RBBP8NL: variants seen among roughly 807,000 people sequenced by gnomAD.
RBBP8NL encodes the protein RBBP8 N-terminal like, also known as RBBP8 N-terminal-like protein.
In RBBP8NL, 59 loss-of-function variants were observed where a neutral mutation model predicts 62.2. That is an observed-to-expected ratio of 0.95 (90% CI 0.77 to 1.18). RBBP8NL has a LOEUF of 1.18. RBBP8NL is among the 50% of genes most tolerant of loss of function. The pLI, the probability that RBBP8NL is intolerant of heterozygous loss-of-function variation, is 0.00. For synonymous variants in RBBP8NL, 412 were observed against 394.1 expected, an observed-to-expected ratio of 1.05 and a Z score of -0.54; for missense variants, 896 against 899.5, an observed-to-expected ratio of 1.00 and a Z score of 0.05.
At chr20:62,417,646 G>A (rs1443563892) in intron 3 of RBBP8NL, among the ~76,000 whole-genome samples, 4 of 100,844 alleles carry the variant, frequency 4.0e-5, no homozygotes, top group Non-Finnish European at 7.5e-5. Flanking sequence ...CCTCTGTGAC[G>A]TCTGTCCCGT....
intron 9 of RBBP8NL, among the ~76,000 whole-genome samples, chr20:62,414,902 G>A (rs1474687798): frequency 1.3e-5 from 2 of 152,214 alleles, no homozygotes; most frequent in East Asian, 3.8e-4. Context: ...CACCCTACTT[G>A]TTCTCAGACA....
At chr20:62,417,094 A>G (rs1286549499) in intron 4 of RBBP8NL, 130 bp downstream of exon 4, 3 of 744,510 alleles carry the variant, frequency 4.0e-6, no homozygotes, top group Non-Finnish European at 4.4e-6. Flanking sequence ...GATGTCCTGC[A>G]GTGGGGAAAC....
chr20:62,412,655 C>T lies in RBBP8NL; in HGVS notation c.1845G>A (p.Lys615=), dbSNP rs111674643. ...CCCCAGGCTCCGAGGCCCGCTTCCT[C>T]TTCCGTGGTGGACCCTGCCCGTGCT... is the stretch of plus-strand genomic sequence containing the variant. The part of the protein sequence containing the change: ...TQEHGQGPPR[K]RKRASEPGDK... The change falls in exon 13 of 14, where the codon AAG becomes AAA. Residue 615 remains lysine (K), a synonymous_variant. Transcript: ENST00000252998. 6.2e-7 allele frequency: 1 copy of T among 1,607,408 alleles called. No homozygotes were observed. The highest frequency in any genetic ancestry group is 8.5e-7 in the Non-Finnish European group (1 of 1,179,934).
intron 6 of RBBP8NL, 77 bp downstream of exon 6, chr20:62,416,087 C>G: frequency 6.6e-7 from 1 of 1,510,270 alleles, no homozygotes; most frequent in Middle Eastern, 1.8e-4. Context: ...GCGGTTCCCC[C>G]AGGGACGTGT....
chr20:62,415,753 C>T (rs1002515184), intron 7 of RBBP8NL, 35 bp downstream of exon 7: 2 of 1,609,462 alleles, frequency 1.2e-6, no homozygotes. Context: ...CCTGCGGGGG[C>T]CCAGCCTCCC....
chr20:62,414,085 C>T lies in RBBP8NL; in HGVS notation c.1266G>A (p.Pro422=), dbSNP rs760516440. ...CAGCCTCTGTCCTCTGGGCGCGGCCCGGGCCTGCAGGCTGTGTGTGCCGCC... is the reference window on the plus strand; with the variant it reads ...CAGCCTCTGTCCTCTGGGCGCGGCCTGGGCCTGCAGGCTGTGTGTGCCGCC... ...SGGRHTQPAG[P]GRAQRTEAAA... Residue 422 remains proline, a synonymous_variant, in exon 10 of 14, where the codon CCG becomes CCA. Coordinates refer to ENST00000252998, the MANE Select transcript of RBBP8NL (RefSeq NM_080833.3). 9.0e-5 allele frequency: 144 copies of T among 1,592,302 alleles called. No individual in the cohort carries two copies. The highest frequency in any genetic ancestry group is 1.7e-4 in the Middle Eastern group (1 of 6,030).
In RBBP8NL at chr20:62,417,498, T is replaced by TGC. The variant is rs1264521797; in HGVS notation, c.105-180_105-179insGC. On this transcript the variant is annotated intron_variant, in intron 3 of 13. Coordinates refer to ENST00000252998, the MANE Select transcript of RBBP8NL (RefSeq NM_080833.3). Reference sequence around the variant, plus strand: ...ACGCTCCTCTGTGACGTCTGTCCCGTCCACGCAGCCCCCCCAGTCATCTGC... The same window carrying TGC: ...ACGCTCCTCTGTGACGTCTGTCCCGTGCCCACGCAGCCCCCCCAGTCATCTGC... 2.3e-3 allele frequency among the ~76,000 whole-genome samples: 308 copies of TGC among 131,134 alleles called. 2 individuals carry two copies. The highest frequency in any genetic ancestry group is 0.011 in the African/African-American group (287 of 26,242). The allele number at this position is 131,134 out of a possible 152,430, so 86.0% of individuals were successfully genotyped here.
intron 1 of RBBP8NL, among the ~76,000 whole-genome samples, chr20:62,421,014 T>TG (rs1018243493): frequency 6.6e-6 from 1 of 152,120 alleles, no homozygotes; most frequent in Non-Finnish European, 1.5e-5. Context: ...GGAGTGAGCC[T>TG]GGGGGCGCTG....
Position 62,414,398 on chromosome 20 carries a change from C to T in RBBP8NL, c.953G>A (p.Arg318Gln), listed in dbSNP as rs1031847083. The change falls in exon 10 of 14, where the codon CGG becomes CAG. Residue 318 changes from arginine (R) to glutamine (Q), a missense_variant. By Grantham distance (43) the Arg-to-Gln change is conservative. Coordinates refer to ENST00000252998, the MANE Select transcript of RBBP8NL (RefSeq NM_080833.3). ...TTCTCTGGCCTTCAGGTCCTGGAGC[C>T]GGGGGTCGCTGGGGGCTGCAGCAGG... ...LAPAAAPSDP[R>Q]LQDLKAREAE... 20 of 1,536,384 alleles carry T rather than the reference C, an allele frequency of 1.3e-5. No individual in the cohort carries two copies. Among genetic ancestry groups the T allele is most frequent in the Admixed American group, 3.9e-5 (2 of 50,846 alleles).
chr20:62,418,186 G>A lies in RBBP8NL; in HGVS notation c.104+237C>T, dbSNP rs191224267. 5.3e-5 allele frequency among the ~76,000 whole-genome samples: 8 copies of A among 152,308 alleles called. No homozygotes were observed. In the East Asian group the frequency reaches 1.4e-3, roughly 26 times the overall value. On this transcript the variant is annotated intron_variant, in intron 3 of 13. Transcript: ENST00000252998. ...TGATCATGATCCTGGGGTGGGAGAA[G>A]CCCCGAGTAGGGGGCTTGCCCCGCC...
intron 2 of RBBP8NL, among the ~76,000 whole-genome samples, chr20:62,419,190 T>A (rs1053114813): frequency 6.6e-6 from 1 of 152,080 alleles, no homozygotes; most frequent in Non-Finnish European, 1.5e-5. Flanking sequence ...CCTGGTGAGC[T>A]CAGCAGGCCG....
chr20:62,416,278 G>T (rs1374334276), intron 5 of RBBP8NL, 42 bp from the exon 6 acceptor site: 1 of 1,371,182 alleles, frequency 7.3e-7, no homozygotes, highest in Non-Finnish European at 1.0e-6. Flanking sequence ...GGGGTTGGGG[G>T]GGACAGGGGC....
rs748690827 is a variant in RBBP8NL, at chr20:62,412,688, G to A, written c.1812C>T (p.Cys604=). The A allele has an allele frequency of 1.9e-6, 3 of 1,609,106 alleles. No individual in the cohort carries two copies. The highest frequency in any genetic ancestry group is 2.7e-5 in the African/African-American group (2 of 74,932). ...GTGGACCCTGCCCGTGCTCCTGGGT[G>A]CAGATGCACTCAGGCCCCTCCCCGG... The part of the protein sequence containing the change: ...STTGEGPECI[C]TQEHGQGPPR... Residue 604 remains cysteine (C), a synonymous_variant, in exon 13 of 14, where the codon TGC becomes TGT. Coordinates refer to ENST00000252998, the MANE Select transcript of RBBP8NL (RefSeq NM_080833.3).
intron 9 of RBBP8NL, among the ~76,000 whole-genome samples, chr20:62,414,821 G>A (rs79003046): frequency 0.019 from 2,848 of 152,310 alleles, 86 homozygotes; most frequent in African/African-American, 0.063. Context: ...CGAGGCCTCC[G>A]TGTCTTCTTG....
intron 1 of RBBP8NL, among the ~76,000 whole-genome samples, chr20:62,424,393 G>A (rs1025696244): frequency 2.0e-5 from 3 of 152,114 alleles, no homozygotes; most frequent in Non-Finnish European, 4.4e-5. Flanking sequence ...CTGAGAACAC[G>A]ACCCAGAGGT....
chr20:62,418,260 T>C (rs1988624985), intron 3 of RBBP8NL, among the ~76,000 whole-genome samples, 163 bp downstream of exon 3: 1 of 152,184 alleles, frequency 6.6e-6, no homozygotes, highest in South Asian at 2.1e-4. Flanking sequence ...CGCTGCCTGC[T>C]CACCGTGTGA....
chr20:62,423,159 C>T (rs991740318), intron 1 of RBBP8NL, among the ~76,000 whole-genome samples: 3 of 152,096 alleles, frequency 2.0e-5, no homozygotes, highest in Non-Finnish European at 2.9e-5. Context: ...CCCTGTTTCC[C>T]GAACTCCGTA....
At chr20:62,411,237 C>T (rs930137235) in intron 13 of RBBP8NL, among the ~76,000 whole-genome samples, 10 of 152,212 alleles carry the variant, frequency 6.6e-5, no homozygotes, top group East Asian at 5.8e-4. Flanking sequence ...ACCCCGAACA[C>T]GGCACTGACC....
At chr20:62,425,669 A>G (rs999138502) in intron 1 of RBBP8NL, among the ~76,000 whole-genome samples, 3 of 152,242 alleles carry the variant, frequency 2.0e-5, no homozygotes, top group African/African-American at 7.2e-5. Context: ...AGGGCACTCA[A>G]CCAGAGAAGC....
Sources: gnomAD v4.1 joint callset for allele counts (sites outside exome capture counted in the v4.1 genomes callset) on GRCh38, gnomAD v4.1.1 for gene constraint, MANE v1.5 for transcripts, NCBI Gene and HGNC (gene_info 2026-07-23, HGNC 2026-07-21) for gene names.